The following RPS6KA5 variants were observed in gnomAD, a reference collection of about 807,000 sequenced individuals.
The protein encoded by RPS6KA5 is ribosomal protein S6 kinase A5.
In RPS6KA5, 27 loss-of-function variants were observed where a neutral mutation model predicts 85.5. The observed-to-expected ratio is 0.32, with a 90% CI of 0.23 to 0.44. The LOEUF (loss-of-function observed/expected upper bound fraction) is 0.44. Among genes scored for constraint, RPS6KA5 ranks in the 20% least tolerant of loss-of-function variants. The pLI, the probability that RPS6KA5 is intolerant of heterozygous loss-of-function variation, is 1.00. For synonymous variants in RPS6KA5, 334 were observed against 348.2 expected (o/e 0.96, Z 0.46); for missense variants, 811 against 980.9 (o/e 0.83, Z 2.31).
At chr14:90,916,073 G>A (rs542506710) in intron 7 of RPS6KA5, among the ~76,000 whole-genome samples, 1 of 152,184 alleles carries the variant, frequency 6.6e-6, no homozygotes, top group Admixed American at 6.5e-5. Flanking sequence ...TGTCTGGAAA[G>A]AAATAATAGA....
At chr14:91,024,284 T>C (rs555095244) in intron 1 of RPS6KA5, among the ~76,000 whole-genome samples, 1 of 152,316 alleles carries the variant, frequency 6.6e-6, no homozygotes, top group Admixed American at 6.5e-5. Context: ...GTCCATTTCT[T>C]TCTTCGTTTT....
chr14:91,051,584 G>A (rs1333397155), intron 1 of RPS6KA5, among the ~76,000 whole-genome samples: 1 of 152,028 alleles, frequency 6.6e-6, no homozygotes, highest in East Asian at 1.9e-4. Flanking sequence ...CGCCTCCCAG[G>A]TTCAAGCAAT....
chr14:90,871,885 A>G lies in RPS6KA5; in HGVS notation c.*189T>C. The G allele has an allele frequency of 1.5e-6, 1 of 657,500 alleles. No individual in the cohort carries two copies. Among genetic ancestry groups the G allele is most frequent in the East Asian group, 2.7e-5 (1 of 36,436 alleles). 40.7% of individuals were successfully genotyped at this position (657,500 alleles called of 1,614,324 possible). On this transcript the variant is annotated 3_prime_UTR_variant, in exon 17 of 17. Coordinates refer to ENST00000614987, the MANE Select transcript of RPS6KA5 (RefSeq NM_004755.4). ...TGCTAAAAAGAGTAATATGTGCTCT[A>G]TTCACAGTAACATTCTCTGTCCAGT...
intron 2 of RPS6KA5, among the ~76,000 whole-genome samples, chr14:90,999,217 A>C (rs1320028046): frequency 6.6e-6 from 1 of 152,178 alleles, no homozygotes; most frequent in African/African-American, 2.4e-5. Context: ...CAAAAAAACA[A>C]AAAAACAAAA....
intron 2 of RPS6KA5, among the ~76,000 whole-genome samples, chr14:90,989,979 A>C (rs1008441661): frequency 1.3e-5 from 2 of 152,180 alleles, no homozygotes; most frequent in Admixed American, 6.5e-5. Flanking sequence ...AGTCAGTGCT[A>C]TGCTCTCTAT....
intron 2 of RPS6KA5, among the ~76,000 whole-genome samples, chr14:90,982,352 T>A (rs958661491): frequency 2.6e-5 from 4 of 151,814 alleles, no homozygotes; most frequent in African/African-American, 9.7e-5. Context: ...ATGCCAATAC[T>A]TTGGGGGTCT....
intron 14 of RPS6KA5, among the ~76,000 whole-genome samples, chr14:90,881,873 T>A (rs186815336): frequency 2.0e-5 from 3 of 152,352 alleles, no homozygotes; most frequent in East Asian, 1.9e-4. Context: ...TTTGTGTCTT[T>A]GGATTTAAAG....
At chr14:90,872,462 C>G in intron 16 of RPS6KA5, 140 bp from the exon 17 acceptor site, 1 of 1,093,852 alleles carries the variant, frequency 9.1e-7, no homozygotes, top group South Asian at 1.8e-5. Flanking sequence ...CTCTTAAAAC[C>G]TTTATATCTA....
At chr14:90,997,301 T>C (rs2040569538) in intron 2 of RPS6KA5, among the ~76,000 whole-genome samples, 1 of 152,256 alleles carries the variant, frequency 6.6e-6, no homozygotes, top group Admixed American at 6.5e-5. Flanking sequence ...CATGACTTTT[T>C]ATAAAGTACC....
intron 2 of RPS6KA5, among the ~76,000 whole-genome samples, chr14:90,987,680 T>C (rs1193911266): frequency 2.0e-5 from 3 of 151,882 alleles, no homozygotes; most frequent in African/African-American, 7.3e-5. Context: ...TGCTGTTGAT[T>C]AGATGACAGC....
chr14:90,946,259 C>A (rs1390590831), intron 4 of RPS6KA5, among the ~76,000 whole-genome samples: 1 of 151,632 alleles, frequency 6.6e-6, no homozygotes, highest in African/African-American at 2.4e-5. Context: ...CTTGACTGCA[C>A]CTCGTTCCCC....
chr14:91,031,103 G>A (rs2042170688), intron 1 of RPS6KA5, among the ~76,000 whole-genome samples: 1 of 152,020 alleles, frequency 6.6e-6, no homozygotes, highest in South Asian at 2.1e-4. Flanking sequence ...GATAAAGAGA[G>A]GATCCTAAAA....
chr14:91,051,693 T>C (rs2043087556), intron 1 of RPS6KA5, among the ~76,000 whole-genome samples: 1 of 152,026 alleles, frequency 6.6e-6, no homozygotes, highest in Admixed American at 6.6e-5. Flanking sequence ...TTCACCATGT[T>C]GGCCAGGCTG....
intron 3 of RPS6KA5, among the ~76,000 whole-genome samples, chr14:90,967,291 A>G (rs1490706905): frequency 6.6e-6 from 1 of 152,204 alleles, no homozygotes; most frequent in Admixed American, 6.5e-5. Flanking sequence ...CTAATATTCT[A>G]TAACTGCAAA....
At chr14:90,943,015 CG>C in intron 5 of RPS6KA5, 62 bp downstream of exon 5, 1 of 943,140 alleles carries the variant, frequency 1.1e-6, no homozygotes, top group Non-Finnish European at 1.7e-6. Flanking sequence ...GTTTATTCTA[CG>C]GCTAAGTTTT....
At chr14:91,012,926 C>T (rs1566863143) in intron 1 of RPS6KA5, among the ~76,000 whole-genome samples, 1 of 152,188 alleles carries the variant, frequency 6.6e-6, no homozygotes, top group Non-Finnish European at 1.5e-5. Flanking sequence ...CCTGACCTTA[C>T]ATCACTTTTC....
In RPS6KA5 at chr14:91,053,408, A is replaced by G. The variant is rs533967935; in HGVS notation, c.103+6924T>C. On this transcript the variant is annotated intron_variant, in intron 1 of 16. Transcript: ENST00000614987. ...AAGATATCTGGATTGGAAAGAAAGA[A>G]GTAAAATTATCTCTATCCATGGCTA... is the stretch of plus-strand genomic sequence containing the variant. 2.3e-4 allele frequency among the ~76,000 whole-genome samples: 35 copies of G among 152,342 alleles called. 1 individual carries two copies. The South Asian group carries it at 7.0e-3, about 31-fold the overall frequency.
chr14:91,007,738 T>C (rs1180773371), intron 1 of RPS6KA5, among the ~76,000 whole-genome samples: 1 of 151,756 alleles, frequency 6.6e-6, no homozygotes, highest in African/African-American at 2.4e-5. Flanking sequence ...GCCATCCTAG[T>C]AGATATGAGG....
chr14:90,946,930 A>G (rs1229456328), intron 4 of RPS6KA5, among the ~76,000 whole-genome samples: 3 of 152,192 alleles, frequency 2.0e-5, no homozygotes, highest in Non-Finnish European at 4.4e-5. Context: ...CTACCTGGGG[A>G]CAATGGAGGA....
Sources: allele counts gnomAD v4.1 joint callset (sites outside exome capture counted in the v4.1 genomes callset), GRCh38; gene constraint gnomAD v4.1.1; transcripts MANE v1.5; gene names NCBI Gene and HGNC (gene_info 2026-07-23, HGNC 2026-07-21).